Variants in PCDHGA9 observed in about 807,000 individuals in gnomAD.
PCDHGA9 encodes protocadherin gamma subfamily A, 9.
A neutral mutation model predicts 62.5 loss-of-function variants in PCDHGA9; 37 were observed. The ratio of observed to expected loss-of-function variants is 0.59; its 90% CI spans 0.46 to 0.78. The LOEUF (loss-of-function observed/expected upper bound fraction) is 0.78, where lower values mean the gene tolerates loss of function less well. Ranked by LOEUF, PCDHGA9 falls within the 30% of genes least tolerant of loss-of-function variation. The pLI, the probability that PCDHGA9 is intolerant of heterozygous loss-of-function variation, is 0.00. For missense variants in PCDHGA9, 1,138 were observed against 1,166.2 expected, an observed-to-expected ratio of 0.98 and a Z score of 0.35; for synonymous variants, 459 against 484.6, an observed-to-expected ratio of 0.95 and a Z score of 0.69.
chr5:141,431,003 G>T lies in PCDHGA9; in HGVS notation c.2424+25627G>T, dbSNP rs2097334899. ...GCTTTTCGCCCTGAATCCGCGCAGC[G>T]GCAGCTTGGTCACGGCGGGCAGGAT... On this transcript the variant is annotated intron_variant, in intron 1 of 3. Coordinates refer to ENST00000573521, the MANE Select transcript of PCDHGA9 (RefSeq NM_018921.3). This position sits in a 1 kb window ranked among gnomAD's most constrained non-coding sequence, Gnocchi z 4.8. 1.9e-6 allele frequency: 3 copies of T among 1,613,960 alleles called. No homozygotes were observed. The highest frequency in any genetic ancestry group is 2.5e-6 in the Non-Finnish European group (3 of 1,179,982).
chr5:141,490,480 C>A lies in PCDHGA9; in HGVS notation c.2425-4327C>A, dbSNP rs564439931. ...GCTGCTAACCAGCCAGCCTTTGGAC[C>A]GGGAGGCCACATCCCACTATATCAT... On this transcript the variant is annotated intron_variant, in intron 1 of 3. Transcript: ENST00000573521. The surrounding 1 kb of genome is among the most constrained non-coding windows in gnomAD (Gnocchi z 5.4). 2.5e-5 allele frequency: 40 copies of A among 1,614,076 alleles called. No homozygotes were observed. The highest frequency in any genetic ancestry group is 5.9e-6 in the Non-Finnish European group (7 of 1,180,058).
chr5:141,454,893 C>T (rs1414320972), intron 1 of PCDHGA9, among the ~76,000 whole-genome samples: 7 of 146,892 alleles, frequency 4.8e-5, no homozygotes, highest in Admixed American at 1.4e-4. Flanking sequence ...CTGCTAGCAC[C>T]GCCTCCCGGG....
chr5:141,403,776 G>A lies in PCDHGA9; in HGVS notation c.824G>A (p.Gly275Glu), dbSNP rs1312851147. 1 of 1,613,926 alleles carries A rather than the reference G, an allele frequency of 6.2e-7. No individual in the cohort carries two copies. The highest frequency in any genetic ancestry group is 2.2e-5 in the East Asian group (1 of 44,884). Reference protein sequence around the residue: ...TASDLDEGINGKVAYKFWKIN... With the variant: ...TASDLDEGINEKVAYKFWKIN... ...AGCGACCTGGATGAGGGAATCAACGGAAAAGTGGCATACAAATTCTGGAAA... is the reference window on the plus strand; with the variant it reads ...AGCGACCTGGATGAGGGAATCAACGAAAAAGTGGCATACAAATTCTGGAAA... The change falls in exon 1 of 4, where the codon GGA (glycine) becomes GAA (glutamate). Residue 275 changes from glycine to glutamate, a missense_variant. Transcript: ENST00000573521.
rs1399367534 is a variant in PCDHGA9 at position 141,487,098 on chromosome 5, A to G, written c.2425-7709A>G. 6.2e-7 allele frequency: 1 copy of G among 1,613,778 alleles called. No homozygotes were observed. The highest frequency in any genetic ancestry group is 8.5e-7 in the Non-Finnish European group (1 of 1,179,788). On this transcript the variant is annotated intron_variant, in intron 1 of 3. Transcript: ENST00000573521. The surrounding 1 kb of genome is among the most constrained non-coding windows in gnomAD (Gnocchi z 5.0). ...ATCCCAGCTGACCTCCCACCACAGA[A>G]GCTGGTCATTGTGGTAAAGGATAGT...
At chr5:141,500,185 TTTA>T (rs549090582) in intron 2 of PCDHGA9, among the ~76,000 whole-genome samples, 1 of 55,104 alleles carries the variant, frequency 1.8e-5, no homozygotes, top group Non-Finnish European at 3.2e-5. Flanking sequence ...CATTTTTATT[TTTA>T]TTTATTTATT....
At chr5:141,492,548 C>A (rs1028674110) in intron 1 of PCDHGA9, among the ~76,000 whole-genome samples, 1 of 152,218 alleles carries the variant, frequency 6.6e-6, no homozygotes, top group Non-Finnish European at 1.5e-5. Flanking sequence ...TGGGCCGGGT[C>A]GCCTGGGGGG....
chr5:141,414,642 C>A (rs547014431), intron 1 of PCDHGA9: 1 of 1,613,962 alleles, frequency 6.2e-7, no homozygotes, highest in Admixed American at 1.7e-5. Context: ...AAGAGAATGC[C>A]CAGATTATTT....
chr5:141,498,672 C>T (rs1034911993), intron 2 of PCDHGA9, among the ~76,000 whole-genome samples: 3 of 152,218 alleles, frequency 2.0e-5, no homozygotes, highest in South Asian at 4.1e-4. Context: ...TGGCTCACGC[C>T]TGTAATCCCA....
rs2094651618 is a variant in PCDHGA9, at chr5:141,405,386, T to C, written c.2424+10T>C. Reference sequence around the variant, plus strand: ...CACCCCTTTGGTTCCGGTGAGTTCATTTTTTTTCTTTCTTTCTTTTCTTTT... The same window carrying C: ...CACCCCTTTGGTTCCGGTGAGTTCACTTTTTTTCTTTCTTTCTTTTCTTTT... On this transcript the variant is annotated intron_variant, in intron 1 of 3. Coordinates refer to ENST00000573521, the MANE Select transcript of PCDHGA9 (RefSeq NM_018921.3). The C allele has an allele frequency of 6.9e-6, 11 of 1,595,500 alleles. No individual in the cohort carries two copies. Among genetic ancestry groups the C allele is most frequent in the Non-Finnish European group, 7.7e-6 (9 of 1,170,542 alleles).
intron 1 of PCDHGA9, chr5:141,479,417 T>A (rs2099495481): frequency 6.6e-6 from 1 of 152,210 alleles, no homozygotes; most frequent in Non-Finnish European, 1.5e-5. Context: ...ACTATGCTGA[T>A]CAATTGATCA....
intron 1 of PCDHGA9, among the ~76,000 whole-genome samples, chr5:141,450,894 G>A (rs919860611): frequency 2.7e-5 from 4 of 148,956 alleles, no homozygotes; most frequent in Admixed American, 1.3e-4. Context: ...GTGCGATATC[G>A]GCTCACTGCA....
In PCDHGA9 at chr5:141,409,573, C is replaced by A. The variant is rs562811168; in HGVS notation, c.2424+4197C>A. 7 of 1,613,816 alleles carry A rather than the reference C, an allele frequency of 4.3e-6. No individual in the cohort carries two copies. In the Admixed American group the frequency reaches 1.2e-4, roughly 27 times the overall value. ...CCCCAGTTTTCGACCAGACGTCCTA[C>A]GTGGTCCACGTGGCCGAGAACAACC... On this transcript the variant is annotated intron_variant, in intron 1 of 3. Transcript: ENST00000573521.
intron 1 of PCDHGA9, among the ~76,000 whole-genome samples, chr5:141,434,848 C>T (rs1224972794): frequency 6.6e-6 from 1 of 151,786 alleles, no homozygotes; most frequent in Non-Finnish European, 1.5e-5. Context: ...AAGCAGACAT[C>T]AATAAATTTA....
In PCDHGA9 at chr5:141,405,018, T is replaced by C. The variant is rs1413977666; in HGVS notation, c.2066T>C (p.Leu689Pro). 3.1e-6 allele frequency: 5 copies of C among 1,613,834 alleles called. No homozygotes were observed. The highest frequency in any genetic ancestry group is 2.7e-5 in the African/African-American group (2 of 74,920). The change falls in exon 1 of 4, where the codon CTT becomes CCT. Residue 689 changes from leucine to proline, a missense_variant. By Grantham distance (98) the Leu-to-Pro change is moderately conservative (BLOSUM62 -3). Transcript: ENST00000573521. The part of the protein sequence containing the change: ...QIPADLEASD[L>P]TLYLVVAVAV... ...CCTGCAGACCTGGAGGCCTCAGACC[T>C]TACCCTCTACCTCGTTGTGGCTGTG...
At chr5:141,430,928 C>A in intron 1 of PCDHGA9, 1 of 1,607,098 alleles carries the variant, frequency 6.2e-7, no homozygotes, top group Non-Finnish European at 8.5e-7. Context: ...GCTGGAGCCC[C>A]GGGAGCTCGC....
At chr5:141,494,583 G>A (rs2099755431) in intron 1 of PCDHGA9, among the ~76,000 whole-genome samples, 1 of 152,152 alleles carries the variant, frequency 6.6e-6, no homozygotes, top group Non-Finnish European at 1.5e-5. Flanking sequence ...CTTGCTCACT[G>A]TGGTCAGATG....
chr5:141,492,575 C>T (rs1213639439), intron 1 of PCDHGA9, among the ~76,000 whole-genome samples: 1 of 152,218 alleles, frequency 6.6e-6, no homozygotes, highest in South Asian at 2.1e-4. Flanking sequence ...GAGCGAGGCG[C>T]GGGGCCAGGA....
At position 141,477,751 on chromosome 5, in the gene PCDHGA9, G is replaced by T; in HGVS notation, c.2425-17056G>T. 1.2e-6 allele frequency: 2 copies of T among 1,613,830 alleles called. No homozygotes were observed. Among genetic ancestry groups the T allele is most frequent in the Non-Finnish European group, 1.7e-6 (2 of 1,180,022 alleles). On this transcript the variant is annotated intron_variant, in intron 1 of 3. Coordinates refer to ENST00000573521, the MANE Select transcript of PCDHGA9 (RefSeq NM_018921.3). This position sits in a 1 kb window ranked among gnomAD's most constrained non-coding sequence, Gnocchi z 4.9. ...CTCATATCAGCGATGGGGGCACCCC[G>T]GTCCTAGCCACCAACATCAGCGTGA...
chr5:141,417,112 G>T (rs1399534957), intron 1 of PCDHGA9: 3 of 152,030 alleles, frequency 2.0e-5, no homozygotes, highest in African/African-American at 7.3e-5. Flanking sequence ...AGCAATACAG[G>T]ACACCCTGGA....
Sources: gnomAD v4.1 joint callset for allele counts (sites outside exome capture counted in the v4.1 genomes callset) on GRCh38, gnomAD v4.1.1 for gene constraint, Gnocchi (gnomAD v3.1) non-coding constraint, MANE v1.5 for transcripts, NCBI Gene and HGNC (gene_info 2026-07-23, HGNC 2026-07-21) for gene names.